CNTLN: variants seen among roughly 807,000 people sequenced by gnomAD.
The protein encoded by CNTLN is centlein.
A neutral mutation model predicts 180.0 loss-of-function variants in CNTLN; 212 were observed. That is an observed-to-expected ratio of 1.18 (90% CI 1.05 to 1.32). CNTLN has a LOEUF of 1.32. Ranked by LOEUF, CNTLN falls within the 40% of genes most tolerant of loss-of-function variation. CNTLN has a pLI of 0.00. For synonymous variants in CNTLN, 722 were observed against 563.1 expected (o/e 1.28, Z -3.99); for missense variants, 2,095 against 1,610.9 (o/e 1.30, Z -5.14).
chr9:17,326,090 A>G (rs1820271647), intron 8 of CNTLN, among the ~76,000 whole-genome samples: 1 of 152,070 alleles, frequency 6.6e-6, no homozygotes, highest in Admixed American at 6.5e-5. Flanking sequence ...CTTCTACAGA[A>G]CTTTTCAATT....
intron 13 of CNTLN, among the ~76,000 whole-genome samples, chr9:17,382,964 C>T (rs948559792): frequency 9.2e-5 from 14 of 152,152 alleles, no homozygotes; most frequent in African/African-American, 3.4e-4. Flanking sequence ...CGTTTAACCT[C>T]TGGACCAGTG....
At chr9:17,149,551 T>A (rs1014521119) in intron 2 of CNTLN, among the ~76,000 whole-genome samples, 16 of 142,092 alleles carry the variant, frequency 1.1e-4, no homozygotes, top group Admixed American at 1.0e-3. Flanking sequence ...TGGGTCTCGC[T>A]CTGTCGCCCA....
intron 15 of CNTLN, among the ~76,000 whole-genome samples, chr9:17,403,167 G>A (rs1455773903): frequency 3.3e-5 from 5 of 151,660 alleles, no homozygotes; most frequent in Non-Finnish European, 7.4e-5. Context: ...TGGACCTTTT[G>A]GAAGAGATAC....
intron 13 of CNTLN, among the ~76,000 whole-genome samples, chr9:17,376,449 A>C (rs1009097995): frequency 1.3e-5 from 2 of 150,518 alleles, no homozygotes; most frequent in African/African-American, 2.4e-5. Flanking sequence ...TTTTTTTTAA[A>C]TTTTTTAATT....
chr9:17,495,247 C>A (rs537666734), intron 25 of CNTLN, among the ~76,000 whole-genome samples: 2 of 151,914 alleles, frequency 1.3e-5, no homozygotes, highest in Admixed American at 6.6e-5. Flanking sequence ...AAAAACTTAA[C>A]TGTAAAACAG....
At chr9:17,380,355 G>A (rs756199708) in intron 13 of CNTLN, among the ~76,000 whole-genome samples, 3 of 152,274 alleles carry the variant, frequency 2.0e-5, no homozygotes, top group South Asian at 2.1e-4. Flanking sequence ...GAGGTTTCTC[G>A]AGAAACACCT....
intron 23 of CNTLN, among the ~76,000 whole-genome samples, chr9:17,478,591 C>T (rs1055533395): frequency 1.3e-5 from 2 of 151,872 alleles, no homozygotes; most frequent in African/African-American, 4.8e-5. Context: ...GACTCCTGGA[C>T]TCAAGCGTCT....
chr9:17,143,218 A>G, intron 1 of CNTLN, 70 bp from the exon 2 acceptor site: 1 of 1,077,160 alleles, frequency 9.3e-7, no homozygotes, highest in Non-Finnish European at 1.4e-6. Flanking sequence ...TCATTTTAAA[A>G]TTTAATGTAG....
intron 18 of CNTLN, among the ~76,000 whole-genome samples, chr9:17,441,957 G>C (rs1386921869): frequency 1.3e-5 from 2 of 152,124 alleles, no homozygotes; most frequent in African/African-American, 4.8e-5. Flanking sequence ...TCACCTGAAA[G>C]AAGGGCCTAT....
chr9:17,247,628 G>T (rs562126940), intron 5 of CNTLN, among the ~76,000 whole-genome samples: 4 of 152,124 alleles, frequency 2.6e-5, no homozygotes, highest in Non-Finnish European at 5.9e-5. Flanking sequence ...TTCTTAAGAA[G>T]GTACTTTTTT....
intron 18 of CNTLN, among the ~76,000 whole-genome samples, chr9:17,421,288 C>G (rs554461242): frequency 6.6e-6 from 1 of 152,122 alleles, no homozygotes; most frequent in South Asian, 2.1e-4. Flanking sequence ...GTTATATCCT[C>G]TTGCTAAATT....
Position 17,366,663 on chromosome 9 carries a change from A to C in CNTLN, c.1933A>C (p.Ile645Leu), listed in dbSNP as rs760952380. The C allele has an allele frequency of 6.3e-7, 1 of 1,590,452 alleles. No homozygotes were observed. Among genetic ancestry groups the C allele is most frequent in the South Asian group, 1.1e-5 (1 of 87,920 alleles). ...ELDELKVHIS[I>L]DKAAIQELNR... ...AGATGAACTTAAAGTACATATATCT[A>C]TTGATAAGGCAGCAATACAAGAATT... The change falls in exon 13 of 26, where the codon ATT becomes CTT. Residue 645 changes from isoleucine to leucine, a missense_variant. Physicochemically the swap from Ile to Leu is conservative, Grantham distance 5 (BLOSUM62 2). Transcript: ENST00000380647.
rs142854725 is a variant in CNTLN at position 17,356,751 on chromosome 9, T to C, written c.1887-9866T>C. Among the ~76,000 whole-genome samples the C allele has an allele frequency of 3.5e-4, 53 of 152,266 alleles. No individual in the cohort carries two copies. The East Asian group carries it at 5.6e-3, about 16-fold the overall frequency. On this transcript the variant is annotated intron_variant, in intron 12 of 25. Transcript: ENST00000380647. ...CCTGGCCTCATAGAGCTTCAACTTATTGGAGAATGCAAATAGTAATCAATA... is the reference window on the plus strand; with the variant it reads ...CCTGGCCTCATAGAGCTTCAACTTACTGGAGAATGCAAATAGTAATCAATA...
In CNTLN at chr9:17,260,144, T is replaced by C. The variant is rs967860972; in HGVS notation, c.850-13589T>C. On this transcript the variant is annotated intron_variant, in intron 5 of 25. Transcript: ENST00000380647. ...ATAAATTTCCCTCTACACACTGCTTTGAATGCGTCCCAGAGATTCTGGTAT... is the reference window on the plus strand; with the variant it reads ...ATAAATTTCCCTCTACACACTGCTTCGAATGCGTCCCAGAGATTCTGGTAT... Among the ~76,000 whole-genome samples, 141 of 147,628 alleles carry C rather than the reference T, an allele frequency of 9.6e-4. 3 individuals carry two copies. The highest frequency in any genetic ancestry group is 3.5e-4 in the Non-Finnish European group (24 of 67,708).
chr9:17,325,360 G>C (rs2133070308), intron 8 of CNTLN, among the ~76,000 whole-genome samples: 1 of 134,328 alleles, frequency 7.4e-6, no homozygotes. Flanking sequence ...GAAGAAAAGT[G>C]TGTGTGCATG....
intron 8 of CNTLN, among the ~76,000 whole-genome samples, chr9:17,323,628 A>G (rs1245931827): frequency 6.6e-6 from 1 of 152,186 alleles, no homozygotes; most frequent in Non-Finnish European, 1.5e-5. Flanking sequence ...TAATTTGTAA[A>G]TTACTTTACA....
downstream of CNTLN, among the ~76,000 whole-genome samples, chr9:17,504,568 C>G (rs1588128804): frequency 6.6e-6 from 1 of 152,208 alleles, no homozygotes; most frequent in East Asian, 1.9e-4. Context: ...ATGATTAAGT[C>G]AAGGATCTTG....
At chr9:17,359,126 C>G (rs1436009374) in intron 12 of CNTLN, among the ~76,000 whole-genome samples, 1 of 151,312 alleles carries the variant, frequency 6.6e-6, no homozygotes, top group African/African-American at 2.4e-5. Flanking sequence ...TCAAGTGATT[C>G]TCCCACCTCA....
chr9:17,464,983 A>G (rs1831663001), intron 21 of CNTLN, among the ~76,000 whole-genome samples: 1 of 151,232 alleles, frequency 6.6e-6, no homozygotes, highest in Non-Finnish European at 1.5e-5. Context: ...ATTACCTATA[A>G]CTATCAGAAG....
Sources: allele counts gnomAD v4.1 joint callset (sites outside exome capture counted in the v4.1 genomes callset), GRCh38; gene constraint gnomAD v4.1.1; transcripts MANE v1.5; gene names NCBI Gene and HGNC (gene_info 2026-07-23, HGNC 2026-07-21).